HEATR5B: variants seen among roughly 807,000 people sequenced by gnomAD.
HEATR5B encodes the protein HEAT repeat containing 5B.
A neutral mutation model predicts 224.1 loss-of-function variants in HEATR5B; 156 were observed. The ratio of observed to expected loss-of-function variants is 0.70; its 90% CI spans 0.61 to 0.80. The LOEUF is 0.80. HEATR5B is among the 30% of genes least tolerant of loss of function. HEATR5B has a pLI of 0.00. For synonymous variants in HEATR5B, 1,027 were observed against 893.0 expected, an observed-to-expected ratio of 1.15 and a Z score of -2.68; for missense variants, 2,323 against 2,535.5, an observed-to-expected ratio of 0.92 and a Z score of 1.80.
chr2:37,071,600 G>A (rs144482619), intron 6 of HEATR5B, among the ~76,000 whole-genome samples: 6 of 151,690 alleles, frequency 4.0e-5, no homozygotes, highest in Non-Finnish European at 7.4e-5. Flanking sequence ...GTGCTTATAT[G>A]TCCAGCATAA....
In HEATR5B at chr2:37,005,627, TG is replaced by T; in HGVS notation, c.4905+4del. ...ACAAGTATCTATCATAGCAATACACTGTACCTGATCTTCTGCAATATGGACT... is the reference window on the plus strand; with the variant it reads ...ACAAGTATCTATCATAGCAATACACTTACCTGATCTTCTGCAATATGGACT... On this transcript the variant is annotated splice_donor_region_variant and intron_variant, in intron 30 of 35. Transcript: ENST00000233099. 1 of 1,613,140 alleles carries T rather than the reference TG, an allele frequency of 6.2e-7. No individual in the cohort carries two copies. The highest frequency in any genetic ancestry group is 8.5e-7 in the Non-Finnish European group (1 of 1,179,352).
chr2:37,036,165 A>T (rs986032603), intron 21 of HEATR5B, among the ~76,000 whole-genome samples: 2 of 152,216 alleles, frequency 1.3e-5, no homozygotes, highest in African/African-American at 4.8e-5. Flanking sequence ...AACAAAATGT[A>T]AAAAGTGCAA....
Position 37,028,715 on chromosome 2 carries a change from T to G in HEATR5B, c.3567A>C (p.Leu1189=), listed in dbSNP as rs373130299. ...CTGCCAGGACATCTTTACAAAGCAT[T>G]AGCCAATGAGAAAGTTTTTCTACTG... ...SLAVEKLSHW[L]MLCKDVLAAS... is the part of the protein sequence containing the mutation. Residue 1189 remains leucine, a synonymous_variant, in exon 23 of 36, where the codon CTA becomes CTC. Coordinates refer to ENST00000233099, the MANE Select transcript of HEATR5B (RefSeq NM_019024.3). 1 of 1,614,042 alleles carries G rather than the reference T, an allele frequency of 6.2e-7. No individual in the cohort carries two copies. Among genetic ancestry groups the G allele is most frequent in the South Asian group, 1.1e-5 (1 of 91,074 alleles).
In HEATR5B at chr2:36,981,154, T is replaced by G; in HGVS notation, c.*336A>C. ...AGATGCTGAGTTCTGACCCATTTTT[T>G]TCCCCTGACAGTATCAATAGGCTGC... On this transcript the variant is annotated 3_prime_UTR_variant, in exon 36 of 36. Coordinates refer to ENST00000233099, the MANE Select transcript of HEATR5B (RefSeq NM_019024.3). The G allele has an allele frequency of 5.4e-6, 1 of 184,916 alleles. No individual in the cohort carries two copies. The highest frequency in any genetic ancestry group is 1.1e-5 in the Non-Finnish European group (1 of 90,452). 11.5% of individuals were successfully genotyped at this position (184,916 alleles called of 1,614,324 possible). A position where few individuals can be genotyped will look rare whatever the true frequency, so the allele number is the denominator to read the frequency against.
At chr2:37,074,958 T>C (rs923923273) in intron 5 of HEATR5B, among the ~76,000 whole-genome samples, 4 of 152,246 alleles carry the variant, frequency 2.6e-5, no homozygotes, top group African/African-American at 9.6e-5. Flanking sequence ...TCTCATACAC[T>C]GCTAGTAGAA....
rs112643674 is a variant in HEATR5B, at chr2:37,077,096, A to G, written c.339-77T>C. On this transcript the variant is annotated intron_variant, in intron 3 of 35. Coordinates refer to ENST00000233099, the MANE Select transcript of HEATR5B (RefSeq NM_019024.3). ...ATACTTTTCTCATTTTTAGAAATCA[A>G]TTTGCATTTGTCTAGGACACTTTTG... 8.8e-6 allele frequency: 11 copies of G among 1,247,536 alleles called. No homozygotes were observed. In the African/African-American group the frequency reaches 1.1e-4, roughly 12 times the overall value. The allele number at this position is 1,247,536 out of a possible 1,614,324, so 77.3% of individuals were successfully genotyped here.
chr2:37,007,994 C>CCACCTCCTG (rs1269834338), intron 28 of HEATR5B, among the ~76,000 whole-genome samples: 1 of 152,184 alleles, frequency 6.6e-6, no homozygotes, highest in East Asian at 1.9e-4. Flanking sequence ...CTATTCCTCT[C>CCACCTCCTG]CACCTCCTGT....
chr2:37,012,467 T>C (rs1287878702), intron 27 of HEATR5B, among the ~76,000 whole-genome samples: 8 of 152,168 alleles, frequency 5.3e-5, no homozygotes. Flanking sequence ...CTTGGCTCAC[T>C]GCAATCTCTG....
chr2:36,998,463 G>C (rs576736654), intron 33 of HEATR5B, among the ~76,000 whole-genome samples: 1 of 152,200 alleles, frequency 6.6e-6, no homozygotes, highest in Non-Finnish European at 1.5e-5. Context: ...GTAAATTCAT[G>C]TAGCTATGTT....
chr2:36,997,178 AT>A (rs1666776579), intron 33 of HEATR5B, among the ~76,000 whole-genome samples: 1 of 151,804 alleles, frequency 6.6e-6, no homozygotes, highest in Admixed American at 6.6e-5. Context: ...GTAGAAGTTA[AT>A]TTTTTTGTTT....
chr2:37,063,271 G>A (rs922199081), intron 10 of HEATR5B, among the ~76,000 whole-genome samples: 1 of 152,170 alleles, frequency 6.6e-6, no homozygotes, highest in Non-Finnish European at 1.5e-5. Flanking sequence ...TAAATTTGGT[G>A]CAGCTGAATA....
chr2:37,013,441 G>A (rs1667916115), intron 27 of HEATR5B, among the ~76,000 whole-genome samples: 1 of 152,182 alleles, frequency 6.6e-6, no homozygotes, highest in Admixed American at 6.5e-5. Flanking sequence ...TCCCAGCTAC[G>A]CGGATGGCTG....
intron 24 of HEATR5B, among the ~76,000 whole-genome samples, chr2:37,023,853 A>C (rs1005961769): frequency 6.6e-6 from 1 of 152,118 alleles, no homozygotes; most frequent in Non-Finnish European, 1.5e-5. Context: ...CAGAGAAGGC[A>C]AAACATTTGG....
chr2:37,054,689 G>C (rs1343559553), intron 16 of HEATR5B, among the ~76,000 whole-genome samples: 1 of 151,478 alleles, frequency 6.6e-6, no homozygotes, highest in African/African-American at 2.4e-5. Flanking sequence ...TACCATGTTG[G>C]CCAGGCTGGT....
intron 6 of HEATR5B, among the ~76,000 whole-genome samples, chr2:37,071,855 T>A (rs1282344700): frequency 3.9e-5 from 6 of 152,074 alleles, no homozygotes; most frequent in Admixed American, 3.9e-4. Flanking sequence ...TGGCTAATTT[T>A]TGTATTTTCA....
chr2:37,001,375 C>T (rs536955657), intron 32 of HEATR5B, among the ~76,000 whole-genome samples: 9 of 152,236 alleles, frequency 5.9e-5, no homozygotes, highest in Non-Finnish European at 1.3e-4. Flanking sequence ...CTCTGACCTG[C>T]AGCCATTGTA....
intron 23 of HEATR5B, 84 bp downstream of exon 23, chr2:37,028,597 A>G: frequency 2.0e-6 from 2 of 1,013,630 alleles, no homozygotes; most frequent in Admixed American, 2.4e-5. Context: ...ATTTACATGT[A>G]TGTATCTTTA....
intron 16 of HEATR5B, 61 bp from the exon 17 acceptor site, chr2:37,053,668 A>G: frequency 2.1e-6 from 2 of 949,866 alleles, no homozygotes; most frequent in Non-Finnish European, 3.3e-6. Context: ...ATGGCTCAAA[A>G]ACGGATAAGA....
intron 35 of HEATR5B, among the ~76,000 whole-genome samples, chr2:36,982,367 A>T (rs1665640722): frequency 6.6e-6 from 1 of 152,206 alleles, no homozygotes; most frequent in Admixed American, 6.5e-5. Flanking sequence ...CCAAGTCCTT[A>T]AAAAAGTATT....
Sources: gnomAD v4.1 joint callset for allele counts (sites outside exome capture counted in the v4.1 genomes callset) on GRCh38, gnomAD v4.1.1 for gene constraint, MANE v1.5 for transcripts, NCBI Gene and HGNC (gene_info 2026-07-23, HGNC 2026-07-21) for gene names.